The following ZNF75D variants were observed in gnomAD, a reference collection of about 807,000 sequenced individuals.
ZNF75D encodes the protein zinc finger protein 75.
ZNF75D carries 33 observed loss-of-function variants against 33.3 expected under a neutral mutation model. That is an observed-to-expected ratio of 0.99 (90% CI 0.75 to 1.32). ZNF75D has a LOEUF of 1.32. ZNF75D is among the 40% of genes most tolerant of loss of function. The pLI is 0.00. For missense variants in ZNF75D, 338 were observed against 367.5 expected (o/e 0.92, Z 0.66); for synonymous variants, 113 against 130.6 (o/e 0.87, Z 0.92).
chrX:135,315,069 C>T (rs781783171), intron 1 of ZNF75D, among the ~76,000 whole-genome samples: 2 of 111,918 alleles, frequency 1.8e-5, no homozygotes, highest in African/African-American at 3.2e-5. Context: ...TTCAATGTAG[C>T]CTTTATTGTT....
intron 1 of ZNF75D, among the ~76,000 whole-genome samples, chrX:135,312,389 T>C (rs1352004776): frequency 2.7e-5 from 3 of 111,752 alleles, no homozygotes; most frequent in African/African-American, 9.8e-5. Flanking sequence ...CTTTTTCCAC[T>C]CATCCACTGA....
intron 1 of ZNF75D, among the ~76,000 whole-genome samples, chrX:135,321,016 AT>A (rs2084488871): frequency 9.0e-6 from 1 of 111,618 alleles, no homozygotes; most frequent in Admixed American, 9.5e-5. Context: ...ACAGAAATGT[AT>A]TTTCTCACAG....
At chrX:135,326,044 G>A (rs1556437418) in intron 1 of ZNF75D, among the ~76,000 whole-genome samples, 2 of 109,885 alleles carry the variant, frequency 1.8e-5, no homozygotes, top group African/African-American at 6.7e-5. Flanking sequence ...TAGCTACTCT[G>A]GTGGGGCCTT....
chrX:135,262,894 A>G (rs782602580), intron 1 of ZNF75D, among the ~76,000 whole-genome samples: 3 of 112,344 alleles, frequency 2.7e-5, no homozygotes, highest in Non-Finnish European at 5.6e-5. Context: ...TAGAATTTTC[A>G]ACTTTTCTGC....
chrX:135,319,082 T>A (rs902255465), intron 1 of ZNF75D, among the ~76,000 whole-genome samples: 1 of 111,636 alleles, frequency 9.0e-6, no homozygotes, highest in African/African-American at 3.3e-5. Context: ...GTTTGATACT[T>A]GTCACCTCAC....
At chrX:135,253,438 G>A (rs2083791029) in intron 2 of ZNF75D, 1 of 290,205 alleles carries the variant, frequency 3.4e-6, no homozygotes, top group Admixed American at 6.4e-5. Flanking sequence ...TGTCAAGATG[G>A]GTGTGGATGC....
intron 1 of ZNF75D, among the ~76,000 whole-genome samples, chrX:135,336,207 A>C (rs1456965162): frequency 9.0e-6 from 1 of 111,612 alleles, no homozygotes; most frequent in East Asian, 2.8e-4. Flanking sequence ...GTGAAGATGC[A>C]GCAAGAAGGC....
At chrX:135,334,777 G>A (rs899284345) in intron 1 of ZNF75D, among the ~76,000 whole-genome samples, 6 of 111,426 alleles carry the variant, frequency 5.4e-5, no homozygotes, top group African/African-American at 9.8e-5. Flanking sequence ...TCTGATCATC[G>A]CCCAGTGTGT....
chrX:135,277,255 T>C (rs1337553045), intron 1 of ZNF75D, among the ~76,000 whole-genome samples: 13 of 112,840 alleles, frequency 1.2e-4, no homozygotes, highest in African/African-American at 4.2e-4. Flanking sequence ...ATGAACTTTT[T>C]TTTAATAGTT....
At chrX:135,314,134 T>C (rs147777937) in intron 1 of ZNF75D, among the ~76,000 whole-genome samples, 1,128 of 111,954 alleles carry the variant, frequency 0.01, 12 homozygotes, top group African/African-American at 0.034. Flanking sequence ...TTTTGTCATA[T>C]ATAGCGTTTA....
At chrX:135,316,019 C>A (rs1010036520) in intron 1 of ZNF75D, among the ~76,000 whole-genome samples, 2 of 111,308 alleles carry the variant, frequency 1.8e-5, no homozygotes, top group African/African-American at 3.3e-5. Context: ...TTTCCCTTAT[C>A]GTTTGTCACT....
chrX:135,301,814 C>T (rs2084221204), intron 1 of ZNF75D, among the ~76,000 whole-genome samples: 1 of 112,237 alleles, frequency 8.9e-6, no homozygotes, highest in African/African-American at 3.2e-5. Context: ...CTAGGCAGTA[C>T]CCCAGCGGGG....
chrX:135,321,819 G>A (rs2084498935), intron 1 of ZNF75D, among the ~76,000 whole-genome samples: 1 of 112,097 alleles, frequency 8.9e-6, no homozygotes, highest in Admixed American at 9.4e-5. Context: ...AAATGCTCTT[G>A]GAAGGCCTGA....
At chrX:135,263,905 G>C (rs1328051962) in intron 1 of ZNF75D, among the ~76,000 whole-genome samples, 1 of 112,005 alleles carries the variant, frequency 8.9e-6, no homozygotes, top group Non-Finnish European at 1.9e-5. Context: ...AGTCGATCAC[G>C]CTGGGAGCTG....
At chrX:135,268,347 A>C (rs1285072533) in intron 1 of ZNF75D, among the ~76,000 whole-genome samples, 41 of 108,043 alleles carry the variant, frequency 3.8e-4, no homozygotes, top group African/African-American at 1.4e-3. Context: ...ATATGATCTT[A>C]TATTTGGAAA....
exon 4 of ZNF75D, chrX:135,249,225 A>G (rs2083771831): frequency 3.1e-6 from 1 of 317,978 alleles, no homozygotes; most frequent in Admixed American, 3.2e-5. Flanking sequence ...ATGTGCTGGG[A>G]CCTACTTCAG....
rs200683677 is a variant in ZNF75D at position 135,287,702 on chromosome X, G to T, written c.968C>A (p.Thr323Lys). The change falls in exon 7 of 7, where the codon ACA becomes AAA. Residue 323 changes from threonine (T) to lysine (K), a missense_variant. Transcript: ENST00000370766. ...KTMGRENPGD[T>K]HSVQKWHRAF... ...TCGATGCCATTTCTGTACACTGTGTGTATCACCAGGATTTTCCCTGCCCAT... is the reference window on the plus strand; with the variant it reads ...TCGATGCCATTTCTGTACACTGTGTTTATCACCAGGATTTTCCCTGCCCAT... The T allele has an allele frequency of 1.6e-5, 19 of 1,210,559 alleles. No individual in the cohort carries two copies. Among genetic ancestry groups the T allele is most frequent in the Non-Finnish European group, 2.0e-5 (18 of 895,284 alleles).
chrX:135,265,536 C>A (rs2083860009), intron 1 of ZNF75D, among the ~76,000 whole-genome samples: 1 of 111,856 alleles, frequency 8.9e-6, no homozygotes, highest in Admixed American at 9.5e-5. Flanking sequence ...CCTTATAGGC[C>A]AGGAGACAGT....
intron 1 of ZNF75D, among the ~76,000 whole-genome samples, chrX:135,307,974 T>C (rs1222345370): frequency 3.6e-5 from 4 of 112,501 alleles, no homozygotes; most frequent in African/African-American, 1.3e-4. Flanking sequence ...AAAGGATAAA[T>C]TTTAATGAAG....
Sources: gnomAD v4.1 joint callset for allele counts (sites outside exome capture counted in the v4.1 genomes callset) on GRCh38, gnomAD v4.1.1 for gene constraint, MANE v1.5 for transcripts, NCBI Gene and HGNC (gene_info 2026-07-23, HGNC 2026-07-21) for gene names.